The following ENTREP2 variants were observed in gnomAD, a reference collection of about 807,000 sequenced individuals.
ENTREP2 encodes the protein protein ENTREP2.
chr15:29,624,526 T>C, the ENTREP2 span, among the ~76,000 whole-genome samples: 5 of 152,336 alleles, frequency 3.3e-5, no homozygotes, highest in Admixed American at 1.3e-4. Flanking sequence ...AATGCCACTC[T>C]GTCTCCAACC....
the ENTREP2 span, among the ~76,000 whole-genome samples, chr15:29,236,828 GA>G: frequency 2.6e-5 from 4 of 151,846 alleles, no homozygotes; most frequent in Admixed American, 2.0e-4. Context: ...CACATTTTCT[GA>G]AGCTAGTATT....
the ENTREP2 span, among the ~76,000 whole-genome samples, chr15:29,526,596 A>AG: frequency 9.2e-5 from 14 of 151,748 alleles, no homozygotes; most frequent in Non-Finnish European, 2.1e-4. Flanking sequence ...CCTGAGTAAC[A>AG]GACTATAGGC....
At chr15:29,346,515 G>A in the ENTREP2 span, among the ~76,000 whole-genome samples, 3 of 152,106 alleles carry the variant, frequency 2.0e-5, no homozygotes, top group Non-Finnish European at 4.4e-5. Context: ...GGTTTACTAG[G>A]GAAGTCAAGC....
chr15:29,329,358 G>A, the ENTREP2 span, among the ~76,000 whole-genome samples: 8 of 141,272 alleles, frequency 5.7e-5, no homozygotes, highest in African/African-American at 8.6e-5. Flanking sequence ...GCAAGGCTCC[G>A]TCTCAAAAAA....
At chr15:29,391,846 A>G in the ENTREP2 span, among the ~76,000 whole-genome samples, 1 of 152,180 alleles carries the variant, frequency 6.6e-6, no homozygotes, top group African/African-American at 2.4e-5. Context: ...TTGTTTTGAG[A>G]CAGAGTCTGG....
the ENTREP2 span, among the ~76,000 whole-genome samples, chr15:29,139,044 C>T: frequency 6.6e-6 from 1 of 152,008 alleles, no homozygotes; most frequent in Non-Finnish European, 1.5e-5. Context: ...GGGACTGGAG[C>T]TGCGTGGTAG....
chr15:29,474,040 T>C, the ENTREP2 span, among the ~76,000 whole-genome samples: 1 of 152,200 alleles, frequency 6.6e-6, no homozygotes, highest in African/African-American at 2.4e-5. Context: ...CAGCCTTCAA[T>C]AGCAAACCCT....
the ENTREP2 span, among the ~76,000 whole-genome samples, chr15:29,305,333 T>C: frequency 5.3e-5 from 8 of 152,172 alleles, no homozygotes; most frequent in Admixed American, 5.2e-4. Context: ...AATGAGAATT[T>C]TGAACTGGGG....
At chr15:29,607,052 C>T in the ENTREP2 span, among the ~76,000 whole-genome samples, 15 of 152,094 alleles carry the variant, frequency 9.9e-5, no homozygotes, top group Non-Finnish European at 1.9e-4. Context: ...AGGCTGTTCT[C>T]GAATTCCTGG....
the ENTREP2 span, among the ~76,000 whole-genome samples, chr15:29,407,232 C>G: frequency 6.6e-6 from 1 of 152,192 alleles, no homozygotes; most frequent in Non-Finnish European, 1.5e-5. Context: ...ACACTGTAGG[C>G]AACTGTAATA....
the ENTREP2 span, among the ~76,000 whole-genome samples, chr15:29,588,322 G>A: frequency 2.0e-5 from 3 of 152,104 alleles, no homozygotes; most frequent in Admixed American, 6.6e-5. Flanking sequence ...GGAAAAGAAA[G>A]GGATAGAGGG....
At chr15:29,394,464 G>C in the ENTREP2 span, among the ~76,000 whole-genome samples, 2 of 152,192 alleles carry the variant, frequency 1.3e-5, no homozygotes, top group Admixed American at 1.3e-4. Flanking sequence ...ATAGTTATAA[G>C]TGGCTCAAGA....
the ENTREP2 span, among the ~76,000 whole-genome samples, chr15:29,136,052 G>A: frequency 7.2e-5 from 11 of 152,228 alleles, no homozygotes; most frequent in African/African-American, 2.7e-4. Context: ...TGCAGAAATG[G>A]AACTGGGGAT....
At chr15:29,216,276 A>G in the ENTREP2 span, among the ~76,000 whole-genome samples, 2 of 152,186 alleles carry the variant, frequency 1.3e-5, no homozygotes, top group South Asian at 4.1e-4. Flanking sequence ...TTTTGTTTCA[A>G]GAGGCTGAAG....
the ENTREP2 span, among the ~76,000 whole-genome samples, chr15:29,197,825 A>G: frequency 6.6e-6 from 1 of 152,166 alleles, no homozygotes; most frequent in Non-Finnish European, 1.5e-5. Flanking sequence ...ACTGAACATG[A>G]AACAAGTTAT....
At chr15:29,585,855 C>CAAA in the ENTREP2 span, among the ~76,000 whole-genome samples, 15 of 110,860 alleles carry the variant, frequency 1.4e-4, no homozygotes, top group Middle Eastern at 4.4e-3. Flanking sequence ...GACTCTGTCT[C>CAAA]AAAAAAAAAA....
the ENTREP2 span, chr15:29,269,955 G>C: frequency 2.2e-6 from 1 of 449,982 alleles, no homozygotes; most frequent in African/African-American, 2.1e-5. Context: ...TTTTAGTATA[G>C]TGAAGTGTTG....
At chr15:29,649,909 G>T in the ENTREP2 span, among the ~76,000 whole-genome samples, 1 of 152,014 alleles carries the variant, frequency 6.6e-6, no homozygotes, top group Non-Finnish European at 1.5e-5. Context: ...CTTCTACCAC[G>T]GATAAGAGTT....
chr15:29,625,367 T>C, the ENTREP2 span, among the ~76,000 whole-genome samples: 1 of 152,208 alleles, frequency 6.6e-6, no homozygotes, highest in African/African-American at 2.4e-5. Context: ...TCCATTTCAC[T>C]ACTGGGTTGT....
Sources: gnomAD v4.1 joint callset for allele counts (sites outside exome capture counted in the v4.1 genomes callset) on GRCh38, gnomAD v4.1.1 for gene constraint, MANE v1.5 for transcripts, NCBI Gene and HGNC (gene_info 2026-07-23, HGNC 2026-07-21) for gene names.